Variants in EPHA3 observed in about 807,000 individuals in gnomAD.
EPHA3 encodes EPH receptor A3, also known as ephrin type-A receptor 3.
A neutral mutation model predicts 107.1 loss-of-function variants in EPHA3; 42 were observed. That is an observed-to-expected ratio of 0.39 (90% CI 0.31 to 0.51). The LOEUF (loss-of-function observed/expected upper bound fraction) is 0.51, where lower values mean the gene tolerates loss of function less well. Among genes scored for constraint, EPHA3 ranks in the 20% least tolerant of loss-of-function variants. The probability of loss-of-function intolerance (pLI) is 0.78; values close to 1 mark genes in which losing one functional copy is unlikely to be tolerated. For synonymous variants in EPHA3, 461 were observed against 424.8 expected (o/e 1.09, Z -1.05); for missense variants, 1,183 against 1,211.2 (o/e 0.98, Z 0.35).
At chr3:89,438,883 G>A (rs1288551472) in intron 13 of EPHA3, among the ~76,000 whole-genome samples, 1 of 152,186 alleles carries the variant, frequency 6.6e-6, no homozygotes, top group Non-Finnish European at 1.5e-5. Context: ...TTAATGAAAA[G>A]TCTAGTACTT....
intron 3 of EPHA3, among the ~76,000 whole-genome samples, chr3:89,255,673 G>A (rs995522612): frequency 6.6e-6 from 1 of 152,024 alleles, no homozygotes; most frequent in Admixed American, 6.6e-5. Context: ...GGCCAAGGCA[G>A]GTGGATTGCC....
At position 89,369,068 on chromosome 3, in the gene EPHA3, C is replaced by T. The variant is rs189094183; in HGVS notation, c.1307-26769C>T. Among the ~76,000 whole-genome samples the T allele has an allele frequency of 2.6e-4, 39 of 150,334 alleles. 2 individuals carry two copies. The highest frequency in any genetic ancestry group is 1.3e-3 in the Admixed American group (20 of 14,904). ...GTCATCGTTTTCTCTGCTATTGAAG[C>T]GTGTCATGGAAGGGAAGAAGAATAT... On this transcript the variant is annotated intron_variant, in intron 5 of 16. Coordinates refer to ENST00000336596, the MANE Select transcript of EPHA3 (RefSeq NM_005233.6).
intron 5 of EPHA3, among the ~76,000 whole-genome samples, chr3:89,392,289 A>G (rs1385633402): frequency 6.6e-6 from 1 of 152,032 alleles, no homozygotes; most frequent in Non-Finnish European, 1.5e-5. Context: ...AAATACGAAA[A>G]TTAGCTGGGT....
chr3:89,298,092 G>A (rs933451450), intron 3 of EPHA3, among the ~76,000 whole-genome samples: 3 of 152,050 alleles, frequency 2.0e-5, no homozygotes, highest in Non-Finnish European at 4.4e-5. Flanking sequence ...TGAATCTTGA[G>A]GTTTTCTAAT....
At chr3:89,248,238 T>C (rs1705081321) in intron 3 of EPHA3, among the ~76,000 whole-genome samples, 1 of 152,184 alleles carries the variant, frequency 6.6e-6, no homozygotes, top group African/African-American at 2.4e-5. Flanking sequence ...TCCTGGAGTT[T>C]ATAGCATGAG....
chr3:89,414,606 C>T (rs1339220920), intron 10 of EPHA3, among the ~76,000 whole-genome samples: 2 of 151,524 alleles, frequency 1.3e-5, no homozygotes, highest in South Asian at 4.1e-4. Flanking sequence ...AAATGCAGCA[C>T]GAGGACTTTG....
chr3:89,380,295 G>A (rs900376860), intron 5 of EPHA3, among the ~76,000 whole-genome samples: 23 of 152,246 alleles, frequency 1.5e-4, no homozygotes, highest in Middle Eastern at 3.4e-3. Context: ...TTTCTCACTC[G>A]CCTCAGAAGG....
chr3:89,280,786 T>C (rs1705926455), intron 3 of EPHA3, among the ~76,000 whole-genome samples: 1 of 152,122 alleles, frequency 6.6e-6, no homozygotes, highest in Admixed American at 6.5e-5. Flanking sequence ...CAACTATATC[T>C]TGCTATCTAT....
chr3:89,218,737 C>G (rs942022243), intron 3 of EPHA3, among the ~76,000 whole-genome samples: 1 of 152,112 alleles, frequency 6.6e-6, no homozygotes, highest in African/African-American at 2.4e-5. Context: ...AAATGCTCAT[C>G]ATCATTGGCC....
intron 2 of EPHA3, among the ~76,000 whole-genome samples, chr3:89,181,005 C>T (rs1453229979): frequency 2.0e-5 from 3 of 151,964 alleles, no homozygotes; most frequent in Admixed American, 2.0e-4. Flanking sequence ...TTTCCATACT[C>T]CAACACATAG....
chr3:89,253,717 T>C (rs185824466), intron 3 of EPHA3, among the ~76,000 whole-genome samples: 1 of 152,116 alleles, frequency 6.6e-6, no homozygotes, highest in Non-Finnish European at 1.5e-5. Context: ...TTTAGTCAGT[T>C]AATAAGGAAG....
intron 3 of EPHA3, among the ~76,000 whole-genome samples, chr3:89,249,827 A>G (rs1705119456): frequency 6.6e-6 from 1 of 152,188 alleles, no homozygotes; most frequent in Non-Finnish European, 1.5e-5. Flanking sequence ...GTTTTGACAT[A>G]ATTCAAATAA....
chr3:89,123,354 G>T (rs1211660474), intron 1 of EPHA3, among the ~76,000 whole-genome samples: 1 of 152,098 alleles, frequency 6.6e-6, no homozygotes, highest in African/African-American at 2.4e-5. Flanking sequence ...TGTTGGCCAG[G>T]CTGGTCTTGA....
chr3:89,341,760 C>T lies in EPHA3; in HGVS notation c.976C>T (p.Pro326Ser), dbSNP rs868816181. 3 of 1,607,504 alleles carry T rather than the reference C, an allele frequency of 1.9e-6. No individual in the cohort carries two copies. Among genetic ancestry groups the T allele is most frequent in the Non-Finnish European group, 2.6e-6 (3 of 1,176,398 alleles). Residue 326 changes from proline to serine, a missense_variant, in exon 5 of 17, where the codon CCA (proline) becomes TCA (serine). Pro to Ser is a moderately conservative substitution (Grantham distance 74, BLOSUM62 -1). Transcript: ENST00000336596. ...TTTGTTGAACTACTTTGCAGGACCT[C>T]CATCTTCACCAAGAAATGTTATCTC... The part of the protein sequence containing the change: ...DPPSMACTRP[P>S]SSPRNVISNI...
At chr3:89,199,132 CAG>C (rs1353463381) in intron 2 of EPHA3, among the ~76,000 whole-genome samples, 1 of 152,146 alleles carries the variant, frequency 6.6e-6, no homozygotes, top group Non-Finnish European at 1.5e-5. Flanking sequence ...ATTAGAAAGA[CAG>C]AGTGAGAAAA....
intron 2 of EPHA3, among the ~76,000 whole-genome samples, chr3:89,191,998 G>T (rs1384124378): frequency 2.0e-5 from 3 of 152,110 alleles, no homozygotes; most frequent in Non-Finnish European, 2.9e-5. Context: ...CCTTTGTCTC[G>T]CCCTAGTGTG....
chr3:89,363,923 C>G (rs1251778280), intron 5 of EPHA3, among the ~76,000 whole-genome samples: 1 of 150,646 alleles, frequency 6.6e-6, no homozygotes, highest in African/African-American at 2.4e-5. Flanking sequence ...CTCCCCTATT[C>G]CTATCTCAAA....
intron 3 of EPHA3, among the ~76,000 whole-genome samples, chr3:89,259,162 A>G (rs1705357575): frequency 6.6e-6 from 1 of 152,134 alleles, no homozygotes; most frequent in Non-Finnish European, 1.5e-5. Context: ...ATTACTTGCA[A>G]GAGTTTGCAT....
intron 15 of EPHA3, among the ~76,000 whole-genome samples, chr3:89,467,373 C>T (rs1267085149): frequency 6.6e-6 from 1 of 152,116 alleles, no homozygotes; most frequent in Non-Finnish European, 1.5e-5. Context: ...TATAATGTTA[C>T]AGTATGCATC....
Sources: gnomAD v4.1 joint callset for allele counts (sites outside exome capture counted in the v4.1 genomes callset) on GRCh38, gnomAD v4.1.1 for gene constraint, MANE v1.5 for transcripts, NCBI Gene and HGNC (gene_info 2026-07-23, HGNC 2026-07-21) for gene names.